The following PHTF2 variants were observed in gnomAD, a reference collection of about 807,000 sequenced individuals.
The protein encoded by PHTF2 is putative homeodomain transcription factor 2, also known as protein PHTF2.
A neutral mutation model predicts 101.2 loss-of-function variants in PHTF2; 60 were observed. The observed-to-expected ratio is 0.59, with a 90% CI of 0.48 to 0.73. PHTF2 has a LOEUF of 0.73. PHTF2 is among the 30% of genes least tolerant of loss of function. The pLI is 0.00. For synonymous variants in PHTF2, 311 were observed against 307.3 expected, an observed-to-expected ratio of 1.01 and a Z score of -0.13; for missense variants, 747 against 908.7, an observed-to-expected ratio of 0.82 and a Z score of 2.29.
intron 8 of PHTF2, chr7:77,909,964 G>T (rs998765317): frequency 8.8e-6 from 2 of 227,188 alleles, no homozygotes. Flanking sequence ...ATTCAAATAG[G>T]GAAGAAATGC....
intron 2 of PHTF2, chr7:77,854,606 C>T (rs982968886): frequency 1.3e-5 from 8 of 627,036 alleles, no homozygotes; most frequent in Non-Finnish European, 2.3e-5. Flanking sequence ...AAATGCCATC[C>T]AGGAGCCAGA....
chr7:77,941,373 T>A (rs1310566373), intron 15 of PHTF2, among the ~76,000 whole-genome samples: 2 of 152,234 alleles, frequency 1.3e-5, no homozygotes, highest in Non-Finnish European at 2.9e-5. Flanking sequence ...TGGATATTTT[T>A]TTCCTATGAC....
At position 77,937,704 on chromosome 7, in the gene PHTF2, TTA is replaced by T; in HGVS notation, c.1339-3_1339-2del. The T allele has an allele frequency of 8.0e-7, 1 of 1,247,600 alleles. No individual in the cohort carries two copies. The highest frequency in any genetic ancestry group is 1.1e-6 in the Non-Finnish European group (1 of 939,806). The allele number at this position is 1,247,600 out of a possible 1,614,324, so 77.3% of individuals were successfully genotyped here. On this transcript the variant is annotated splice_region_variant and splice_polypyrimidine_tract_variant and intron_variant, in intron 12 of 19. Transcript: ENST00000416283. ...ATATATTTACTAATTTTTTTTTTTTTTATAGAGTCATTTGCCCTGGCTCCATA... is the reference window on the plus strand; with the variant it reads ...ATATATTTACTAATTTTTTTTTTTTTTAGAGTCATTTGCCCTGGCTCCATA...
intron 3 of PHTF2, among the ~76,000 whole-genome samples, chr7:77,859,096 A>C (rs147547642): frequency 8.7e-4 from 130 of 149,560 alleles, no homozygotes; most frequent in African/African-American, 3.0e-3. Flanking sequence ...TCTTCACCTC[A>C]ATCTTCACAT....
intron 5 of PHTF2, 126 bp from the exon 5 acceptor site, chr7:77,900,585 A>C: frequency 1.5e-6 from 1 of 662,340 alleles, no homozygotes. Context: ...ACAAATGCAT[A>C]ATGTGTTACA....
At chr7:77,861,106 C>T (rs867975779) in intron 3 of PHTF2, among the ~76,000 whole-genome samples, 1 of 152,028 alleles carries the variant, frequency 6.6e-6, no homozygotes, top group Non-Finnish European at 1.5e-5. Flanking sequence ...TATGTACTTA[C>T]ATTTAATTGC....
chr7:77,923,254 C>T, intron 11 of PHTF2: 1 of 865,424 alleles, frequency 1.2e-6, no homozygotes, highest in Non-Finnish European at 1.4e-6. Context: ...CCCTTTTCAA[C>T]TATATCATAT....
intron 3 of PHTF2, among the ~76,000 whole-genome samples, chr7:77,893,047 C>T (rs1267096629): frequency 6.6e-6 from 1 of 152,090 alleles, no homozygotes; most frequent in Non-Finnish European, 1.5e-5. Flanking sequence ...TAAGGATTCC[C>T]TAGGGCAGTG....
At chr7:77,893,293 TCTC>T (rs751569101) in intron 3 of PHTF2, among the ~76,000 whole-genome samples, 4 of 152,184 alleles carry the variant, frequency 2.6e-5, no homozygotes, top group South Asian at 2.1e-4. Flanking sequence ...TGTCTGTTGT[TCTC>T]CTCTCTGTTC....
intron 5 of PHTF2, among the ~76,000 whole-genome samples, chr7:77,898,225 T>C (rs899431202): frequency 6.6e-6 from 1 of 152,194 alleles, no homozygotes; most frequent in Admixed American, 6.5e-5. Flanking sequence ...GTAGGGACTT[T>C]TGATTCTTAA....
At chr7:77,899,984 T>A (rs1355304647) in intron 5 of PHTF2, among the ~76,000 whole-genome samples, 1 of 147,026 alleles carries the variant, frequency 6.8e-6, no homozygotes, top group Non-Finnish European at 1.5e-5. Flanking sequence ...GGTTTTTTTT[T>A]CACTAGTTTT....
At chr7:77,913,828 A>G (rs886589563) in intron 9 of PHTF2, among the ~76,000 whole-genome samples, 1 of 152,202 alleles carries the variant, frequency 6.6e-6, no homozygotes, top group Non-Finnish European at 1.5e-5. Context: ...TTAAAGGTAG[A>G]TCAGTCAGGC....
chr7:77,893,446 T>G (rs1800617957), intron 3 of PHTF2, among the ~76,000 whole-genome samples, 162 bp from the exon 3 acceptor site: 1 of 152,188 alleles, frequency 6.6e-6, no homozygotes, highest in African/African-American at 2.4e-5. Flanking sequence ...AATCATACTT[T>G]GAGAACCACT....
chr7:77,878,331 C>T (rs184551850), intron 3 of PHTF2, among the ~76,000 whole-genome samples: 318 of 151,882 alleles, frequency 2.1e-3, no homozygotes, highest in African/African-American at 7.3e-3. Context: ...GGTGGGATTA[C>T]AAGACCAGTT....
At chr7:77,860,967 T>C (rs984057976) in intron 3 of PHTF2, among the ~76,000 whole-genome samples, 1 of 152,042 alleles carries the variant, frequency 6.6e-6, no homozygotes. Context: ...GCCTCCCAAA[T>C]TGTTAGGATT....
chr7:77,869,397 C>A (rs964221819), intron 3 of PHTF2, among the ~76,000 whole-genome samples: 3 of 152,082 alleles, frequency 2.0e-5, no homozygotes, highest in Non-Finnish European at 4.4e-5. Flanking sequence ...ACCCATTAAC[C>A]AAACTTTCTT....
chr7:77,943,301 T>A (rs916097963), intron 16 of PHTF2, among the ~76,000 whole-genome samples: 4 of 151,940 alleles, frequency 2.6e-5, no homozygotes, highest in Non-Finnish European at 5.9e-5. Flanking sequence ...ATTTTTTGTA[T>A]TTTTTTTAGT....
intron 1 of PHTF2, among the ~76,000 whole-genome samples, chr7:77,813,414 A>C (rs371115415): frequency 1.8e-4 from 28 of 152,364 alleles, no homozygotes; most frequent in East Asian, 1.5e-3. Context: ...CATTGCATTT[A>C]GCGACTGGAA....
intron 11 of PHTF2, among the ~76,000 whole-genome samples, chr7:77,927,567 C>A (rs2150937033): frequency 6.6e-6 from 1 of 152,262 alleles, no homozygotes; most frequent in South Asian, 2.1e-4. Flanking sequence ...CACTGCACTC[C>A]AGCCTGGGCG....
Sources: allele counts gnomAD v4.1 joint callset (sites outside exome capture counted in the v4.1 genomes callset), GRCh38; gene constraint gnomAD v4.1.1; transcripts MANE v1.5; gene names NCBI Gene and HGNC (gene_info 2026-07-23, HGNC 2026-07-21).